Variants in OR1J2 observed in about 807,000 individuals in gnomAD.
OR1J2 encodes olfactory receptor family 1 subfamily J member 2.
For synonymous variants in OR1J2, 142 were observed against 99.7 expected, an observed-to-expected ratio of 1.42 and a Z score of -2.52; for missense variants, 304 against 246.1, an observed-to-expected ratio of 1.24 and a Z score of -1.57.
the OR1J2 span, among the ~76,000 whole-genome samples, chr9:122,564,448 C>T: frequency 6.6e-6 from 1 of 152,166 alleles, no homozygotes; most frequent in African/African-American, 2.4e-5. Flanking sequence ...GCCATTAGAG[C>T]TGCCTCTACC....
the OR1J2 span, among the ~76,000 whole-genome samples, chr9:122,451,676 C>T: frequency 6.6e-6 from 1 of 152,200 alleles, no homozygotes; most frequent in East Asian, 1.9e-4. Context: ...AAGTAGCCTA[C>T]AAATTCTTTA....
chr9:122,456,567 G>A, the OR1J2 span, among the ~76,000 whole-genome samples: 2 of 151,830 alleles, frequency 1.3e-5, no homozygotes, highest in African/African-American at 4.8e-5. Context: ...GAACCTTTAG[G>A]GAACACACAC....
At chr9:122,571,364 A>T in the OR1J2 span, among the ~76,000 whole-genome samples, 3 of 151,980 alleles carry the variant, frequency 2.0e-5, no homozygotes, top group African/African-American at 4.8e-5. Flanking sequence ...ATCCTGGCCA[A>T]CACGGTTAAA....
the OR1J2 span, among the ~76,000 whole-genome samples, chr9:122,561,283 A>G: frequency 1.3e-5 from 2 of 152,142 alleles, no homozygotes; most frequent in Non-Finnish European, 2.9e-5. Flanking sequence ...GGGTTAGAAC[A>G]TGCCCCTTTA....
chr9:122,532,247 A>C, the OR1J2 span, among the ~76,000 whole-genome samples: 1 of 152,144 alleles, frequency 6.6e-6, no homozygotes, highest in Admixed American at 6.5e-5. Context: ...AGCAGATGGA[A>C]CACTGAGAAG....
the OR1J2 span, chr9:122,519,937 C>T: frequency 6.2e-7 from 1 of 1,614,020 alleles, no homozygotes. Context: ...TCATCCAGTG[C>T]CTCCAGTGAC....
At chr9:122,499,170 G>A in the OR1J2 span, among the ~76,000 whole-genome samples, 20 of 152,336 alleles carry the variant, frequency 1.3e-4, no homozygotes, top group Middle Eastern at 6.8e-3. Context: ...GTTTACCTGC[G>A]GGTCCCTTGA....
the OR1J2 span, among the ~76,000 whole-genome samples, chr9:122,453,125 T>C: frequency 1.3e-5 from 2 of 151,740 alleles, no homozygotes; most frequent in African/African-American, 2.4e-5. Context: ...CAGCTTTGCC[T>C]TCCACTATGA....
chr9:122,530,700 AAG>A, the OR1J2 span, among the ~76,000 whole-genome samples: 5 of 152,156 alleles, frequency 3.3e-5, no homozygotes, highest in South Asian at 2.1e-4. Context: ...TGAGTCCGAA[AAG>A]AGAGTCAGCG....
the OR1J2 span, among the ~76,000 whole-genome samples, chr9:122,551,279 G>A: frequency 2.0e-5 from 3 of 152,160 alleles, no homozygotes; most frequent in Non-Finnish European, 4.4e-5. Context: ...ACAGACCTAG[G>A]TGGGGATTCC....
the OR1J2 span, among the ~76,000 whole-genome samples, chr9:122,536,209 T>C: frequency 6.6e-6 from 1 of 152,160 alleles, no homozygotes; most frequent in Non-Finnish European, 1.5e-5. Context: ...TGTAAATGCA[T>C]CTCCTTGCTG....
chr9:122,454,209 C>T, the OR1J2 span, among the ~76,000 whole-genome samples: 4 of 152,134 alleles, frequency 2.6e-5, no homozygotes, highest in Non-Finnish European at 5.9e-5. Context: ...TTCTCCTGCT[C>T]CTGAGATAAA....
At chr9:122,515,352 T>TTGTGTGTG (rs10651846), downstream of OR1J2, among the ~76,000 whole-genome samples, 19,675 of 135,580 alleles carry the variant, frequency 0.15, 1,533 homozygotes, top group Non-Finnish European at 0.17. Flanking sequence ...CAGGAGCAGG[T>TTGTGTGTG]TGTGTGTGTG....
the OR1J2 span, among the ~76,000 whole-genome samples, chr9:122,482,788 CAT>C: frequency 2.3e-4 from 35 of 152,234 alleles, no homozygotes; most frequent in East Asian, 2.5e-3. Flanking sequence ...TGATCTCACT[CAT>C]ATGTGGAATC....
At chr9:122,554,125 G>A in the OR1J2 span, 76 of 1,613,252 alleles carry the variant, frequency 4.7e-5, no homozygotes, top group African/African-American at 2.5e-4. Flanking sequence ...GAGGCTTTGG[G>A]TAAACTTTTT....
the OR1J2 span, among the ~76,000 whole-genome samples, chr9:122,528,227 A>C: frequency 9.8e-5 from 15 of 152,326 alleles, no homozygotes; most frequent in African/African-American, 3.4e-4. Context: ...TAGAACCTGA[A>C]AGATCACCTG....
chr9:122,518,398 G>A, the OR1J2 span, among the ~76,000 whole-genome samples: 1 of 152,226 alleles, frequency 6.6e-6, no homozygotes, highest in Non-Finnish European at 1.5e-5. Context: ...GGTACCAGCA[G>A]ATTTGGTTTC....
the OR1J2 span, among the ~76,000 whole-genome samples, chr9:122,496,027 G>A: frequency 6.6e-6 from 1 of 152,212 alleles, no homozygotes; most frequent in Non-Finnish European, 1.5e-5. Context: ...AAAGAGTACT[G>A]TGATTTGATC....
the OR1J2 span, among the ~76,000 whole-genome samples, chr9:122,472,928 T>G: frequency 6.6e-6 from 1 of 152,218 alleles, no homozygotes; most frequent in Non-Finnish European, 1.5e-5. Context: ...GAATTAATAC[T>G]AAAAATTTCT....
Sources: gnomAD v4.1 joint callset for allele counts (sites outside exome capture counted in the v4.1 genomes callset) on GRCh38, gnomAD v4.1.1 for gene constraint, MANE v1.5 for transcripts, NCBI Gene and HGNC (gene_info 2026-07-23, HGNC 2026-07-21) for gene names.